CFAP54: variants seen among roughly 807,000 people sequenced by gnomAD.
CFAP54 encodes cilia- and flagella-associated protein 54.
Under a neutral mutation model 370.4 loss-of-function variants are expected in CFAP54, and 290 were observed. That is an observed-to-expected ratio of 0.78 (90% CI 0.71 to 0.86). CFAP54 has a LOEUF of 0.86. CFAP54 is among the 40% of genes least tolerant of loss of function. The pLI is 0.00. For missense variants in CFAP54, 3,399 were observed against 3,528.7 expected, an observed-to-expected ratio of 0.96 and a Z score of 0.93; for synonymous variants, 1,206 against 1,236.5, an observed-to-expected ratio of 0.98 and a Z score of 0.52.
rs1954858912 is a variant in CFAP54 at position 96,489,916 on chromosome 12, C to T, written c.307C>T (p.Arg103Cys). The part of the protein sequence containing the change: ...ATTEEEKHEF[R>C]RRCATSLFNI... ...CACGGAGGAAGAGAAGCACGAATTC[C>T]GCCGGCGTTGGTAAGCGCTGGCGGG... Residue 103 changes from arginine to cysteine, a missense_variant, in exon 1 of 68, where the codon CGC becomes TGC. Physicochemically the swap from Arg to Cys is radical, Grantham distance 180 (BLOSUM62 -3). This residue lies in a region of CFAP54 where 559 missense variants were observed against 576.7 expected (regional missense o/e 0.97). Transcript: ENST00000524981. 6.5e-7 allele frequency: 1 copy of T among 1,531,520 alleles called. No homozygotes were observed. The highest frequency in any genetic ancestry group is 8.7e-7 in the Non-Finnish European group (1 of 1,143,644). 94.9% of individuals were successfully genotyped at this position (1,531,520 alleles called of 1,614,324 possible).
chr12:96,725,414 A>G (rs1957820010), intron 50 of CFAP54, among the ~76,000 whole-genome samples: 1 of 152,018 alleles, frequency 6.6e-6, no homozygotes, highest in African/African-American at 2.4e-5. Context: ...TTGGATTCCT[A>G]AGTATTTTAT....
chr12:96,605,789 G>A (rs2136449406), intron 26 of CFAP54, among the ~76,000 whole-genome samples: 1 of 152,250 alleles, frequency 6.6e-6, no homozygotes, highest in African/African-American at 2.4e-5. Context: ...GACACAACAG[G>A]GATGCAGGAA....
chr12:96,542,533 C>T (rs1592841907), intron 14 of CFAP54, among the ~76,000 whole-genome samples: 1 of 152,140 alleles, frequency 6.6e-6, no homozygotes, highest in Admixed American at 6.6e-5. Flanking sequence ...ATGTATGCAT[C>T]GTCCGGCACC....
chr12:96,776,665 G>A (rs760164003), intron 60 of CFAP54, among the ~76,000 whole-genome samples: 4 of 152,140 alleles, frequency 2.6e-5, no homozygotes, highest in African/African-American at 7.2e-5. Context: ...CCAGAACTGC[G>A]TAAGTGGTAG....
intron 5 of CFAP54, among the ~76,000 whole-genome samples, chr12:96,517,445 T>G (rs779114843): frequency 1.2e-4 from 19 of 152,196 alleles, no homozygotes; most frequent in Non-Finnish European, 2.8e-4. Context: ...CCAGGAGTCC[T>G]GAAGGATTTT....
At chr12:96,674,778 T>G (rs1316800683) in intron 39 of CFAP54, among the ~76,000 whole-genome samples, 2 of 152,184 alleles carry the variant, frequency 1.3e-5, no homozygotes, top group African/African-American at 4.8e-5. Flanking sequence ...GACTGTCTGT[T>G]TTGTTCACTT....
At chr12:96,688,890 A>T (rs750990486) in intron 42 of CFAP54, 26 bp from the exon 43 acceptor site, 1 of 1,419,782 alleles carries the variant, frequency 7.0e-7, no homozygotes, top group East Asian at 2.3e-5. Flanking sequence ...TCTACTAATC[A>T]ATTTTTTTTT....
At chr12:96,535,403 C>A in intron 11 of CFAP54, 112 bp from the exon 12 acceptor site, 2 of 666,314 alleles carry the variant, frequency 3.0e-6, no homozygotes, top group Non-Finnish European at 5.2e-6. Context: ...ATGATATTTG[C>A]CCGCCTATCA....
At chr12:96,656,495 C>T (rs1956924818) in intron 36 of CFAP54, among the ~76,000 whole-genome samples, 1 of 152,214 alleles carries the variant, frequency 6.6e-6, no homozygotes, top group South Asian at 2.1e-4. Flanking sequence ...CATTCTCCTG[C>T]CTCAGCCTCC....
intron 13 of CFAP54, among the ~76,000 whole-genome samples, chr12:96,538,892 A>G (rs1438664699): frequency 6.6e-6 from 1 of 151,638 alleles, no homozygotes; most frequent in Non-Finnish European, 1.5e-5. Flanking sequence ...AGCTGGGACT[A>G]CAGGCATACA....
In CFAP54 at chr12:96,489,891, C is replaced by T; in HGVS notation, c.282C>T (p.Thr94=). ...GFMRKKKALA[T]TEEEKHEFRR... is the part of the protein sequence containing the mutation. Reference sequence around the variant, plus strand: ...TGAGGAAAAAGAAGGCTTTAGCCACCACGGAGGAAGAGAAGCACGAATTCC... The same window carrying T: ...TGAGGAAAAAGAAGGCTTTAGCCACTACGGAGGAAGAGAAGCACGAATTCC... The change falls in exon 1 of 68, where the codon ACC becomes ACT. Residue 94 remains threonine, a synonymous_variant. Transcript: ENST00000524981. 1 of 1,534,394 alleles carries T rather than the reference C, an allele frequency of 6.5e-7. No homozygotes were observed. The highest frequency in any genetic ancestry group is 8.7e-7 in the Non-Finnish European group (1 of 1,145,608).
intron 32 of CFAP54, among the ~76,000 whole-genome samples, chr12:96,634,627 T>C (rs1250678663): frequency 6.6e-6 from 1 of 152,198 alleles, no homozygotes; most frequent in Non-Finnish European, 1.5e-5. Context: ...ATTTTTCCTT[T>C]AATGGGTTGT....
chr12:96,517,136 T>C (rs1473753249), intron 5 of CFAP54, among the ~76,000 whole-genome samples: 1 of 152,178 alleles, frequency 6.6e-6, no homozygotes, highest in Non-Finnish European at 1.5e-5. Context: ...TGAAAATGGC[T>C]TTTCCTGTTT....
chr12:96,535,206 T>G (rs558539695), intron 11 of CFAP54, among the ~76,000 whole-genome samples: 1 of 152,120 alleles, frequency 6.6e-6, no homozygotes, highest in South Asian at 2.1e-4. Context: ...CTTGCCACCA[T>G]GCCCAGCTAA....
At chr12:96,597,880 T>G (rs997513758) in intron 25 of CFAP54, among the ~76,000 whole-genome samples, 1 of 151,840 alleles carries the variant, frequency 6.6e-6, no homozygotes, top group Non-Finnish European at 1.5e-5. Context: ...GGTGTTCACA[T>G]GATTTAGGGA....
chr12:96,703,751 C>G (rs1289904902), intron 46 of CFAP54, among the ~76,000 whole-genome samples: 1 of 151,968 alleles, frequency 6.6e-6, no homozygotes, highest in African/African-American at 2.4e-5. Context: ...AGTGATAATA[C>G]TGACTGTTGT....
intron 17 of CFAP54, among the ~76,000 whole-genome samples, chr12:96,563,472 T>C (rs941056875): frequency 3.3e-5 from 5 of 152,220 alleles, no homozygotes; most frequent in Admixed American, 6.6e-5. Context: ...AGAATTTTTT[T>C]GCAGTCTCAT....
In CFAP54 at chr12:96,687,276, G is replaced by A. The variant is rs114965394; in HGVS notation, c.6015-1640G>A. On this transcript the variant is annotated intron_variant, in intron 42 of 67. Transcript: ENST00000524981. ...ACATCTGCGAAGACTTTGTTGCCCT[G>A]TAAGGTCACATATTCATAGGTTCTG... is the stretch of plus-strand genomic sequence containing the variant. Among the ~76,000 whole-genome samples the A allele has an allele frequency of 4.1e-3, 623 of 152,262 alleles. 8 individuals carry two copies. The highest frequency in any genetic ancestry group is 0.012 in the African/African-American group (488 of 41,530).
intron 5 of CFAP54, among the ~76,000 whole-genome samples, chr12:96,515,730 T>C (rs1383084107): frequency 3.9e-5 from 6 of 152,106 alleles, no homozygotes; most frequent in African/African-American, 4.8e-5. Context: ...TTTGTTATTA[T>C]TGAATCTATA....
Sources: allele counts gnomAD v4.1 joint callset (sites outside exome capture counted in the v4.1 genomes callset), GRCh38; gene constraint gnomAD v4.1.1; regional missense constraint gnomAD v4.1.1; transcripts MANE v1.5; gene names NCBI Gene and HGNC (gene_info 2026-07-23, HGNC 2026-07-21).